The following LIMS4 variants were observed in gnomAD, a reference collection of about 807,000 sequenced individuals.
The protein encoded by LIMS4 is LIM and senescent cell antigen-like-containing domain protein 4.
At chr2:110,372,391 T>TA in the LIMS4 span, among the ~76,000 whole-genome samples, 15 of 133,534 alleles carry the variant, frequency 1.1e-4, no homozygotes, top group East Asian at 2.0e-4. Context: ...AATGGGTGGT[T>TA]AAAAAAAACC....
chr2:110,378,968 C>T, the LIMS4 span, among the ~76,000 whole-genome samples: 1 of 146,786 alleles, frequency 6.8e-6, no homozygotes, highest in Non-Finnish European at 1.5e-5. Flanking sequence ...AGTTGATGCT[C>T]TCTTTCTACA....
At chr2:110,372,373 AG>A in the LIMS4 span, among the ~76,000 whole-genome samples, 2 of 131,202 alleles carry the variant, frequency 1.5e-5, no homozygotes, top group Non-Finnish European at 3.0e-5. Context: ...TGAAATCTAT[AG>A]GTTCCTAATG....
At chr2:110,424,983 G>A in the LIMS4 span, among the ~76,000 whole-genome samples, 4 of 144,108 alleles carry the variant, frequency 2.8e-5, 1 homozygote, top group African/African-American at 1.1e-4. Flanking sequence ...ACCCCAGCCG[G>A]CAGCGACAAC....
chr2:110,395,932 C>T, the LIMS4 span, among the ~76,000 whole-genome samples: 1 of 141,144 alleles, frequency 7.1e-6, no homozygotes, highest in African/African-American at 2.9e-5. Context: ...AGGCACATAC[C>T]AGCGTCCTAA....
the LIMS4 span, chr2:110,397,305 A>G: frequency 1.4e-5 from 2 of 141,418 alleles, no homozygotes; most frequent in Non-Finnish European, 3.1e-5. Context: ...TGTCTATTAT[A>G]GTAGCTAATT....
At chr2:110,372,742 G>T in the LIMS4 span, among the ~76,000 whole-genome samples, 4 of 148,832 alleles carry the variant, frequency 2.7e-5, no homozygotes, top group Non-Finnish European at 5.9e-5. Context: ...CTGACCTCAA[G>T]TGAGCCACCT....
chr2:110,371,992 C>T, the LIMS4 span, among the ~76,000 whole-genome samples: 29 of 152,124 alleles, frequency 1.9e-4, no homozygotes, highest in South Asian at 3.5e-3. Flanking sequence ...CAAACTAGGG[C>T]CCAGCTTGCC....
At chr2:110,411,186 G>A in the LIMS4 span, among the ~76,000 whole-genome samples, 4 of 66,920 alleles carry the variant, frequency 6.0e-5, no homozygotes, top group African/African-American at 7.1e-5. Flanking sequence ...GATTACAGGC[G>A]TGACCCACAA....
chr2:110,362,080 G>A, the LIMS4 span: 39 of 1,139,440 alleles, frequency 3.4e-5, 1 homozygote, highest in Non-Finnish European at 4.9e-5. Flanking sequence ...AAGGAGATTT[G>A]TGCTGATGGA....
chr2:110,425,777 C>A, the LIMS4 span, among the ~76,000 whole-genome samples: 1 of 139,606 alleles, frequency 7.2e-6, no homozygotes, highest in Non-Finnish European at 1.5e-5. Context: ...TCCCCAGGGC[C>A]TTGCAGAAAG....
At chr2:110,367,113 A>G in the LIMS4 span, among the ~76,000 whole-genome samples, 2 of 151,204 alleles carry the variant, frequency 1.3e-5, no homozygotes, top group Non-Finnish European at 2.9e-5. Flanking sequence ...GCTCAAGGAT[A>G]GAAAGAATCA....
the LIMS4 span, among the ~76,000 whole-genome samples, chr2:110,373,554 C>T: frequency 1.4e-5 from 2 of 147,834 alleles, no homozygotes; most frequent in Non-Finnish European, 3.0e-5. Context: ...TGGTCAATCA[C>T]CAGTGCCCCA....
At chr2:110,366,308 C>G in the LIMS4 span, among the ~76,000 whole-genome samples, 2 of 152,164 alleles carry the variant, frequency 1.3e-5, no homozygotes, top group Non-Finnish European at 2.9e-5. Context: ...TACTAGCAAA[C>G]TGAATCTACC....
chr2:110,411,343 A>G, the LIMS4 span, among the ~76,000 whole-genome samples: 2 of 140,234 alleles, frequency 1.4e-5, 1 homozygote, highest in Non-Finnish European at 3.0e-5. Flanking sequence ...TTTTAGGTAG[A>G]AAATGCCTCG....
chr2:110,382,122 T>A, the LIMS4 span, among the ~76,000 whole-genome samples: 15 of 95,464 alleles, frequency 1.6e-4, no homozygotes, highest in African/African-American at 5.5e-4. Flanking sequence ...TATATATATA[T>A]ATATATATAT....
the LIMS4 span, among the ~76,000 whole-genome samples, chr2:110,370,969 C>T: frequency 7.5e-6 from 1 of 132,762 alleles, no homozygotes; most frequent in Admixed American, 7.6e-5. Context: ...CCTAATTAAG[C>T]TTGTGAAATT....
chr2:110,397,494 A>G, the LIMS4 span: 1 of 117,774 alleles, frequency 8.5e-6, no homozygotes, highest in African/African-American at 3.4e-5. Flanking sequence ...AAGTACAAAG[A>G]ATACCACCAG....
At chr2:110,368,836 A>G in the LIMS4 span, among the ~76,000 whole-genome samples, 1 of 141,790 alleles carries the variant, frequency 7.1e-6, no homozygotes, top group Non-Finnish European at 1.5e-5. Context: ...CTGATGCCTG[A>G]TTCCTAAATT....
the LIMS4 span, among the ~76,000 whole-genome samples, chr2:110,392,846 ACT>A: frequency 1.5e-5 from 2 of 129,932 alleles, no homozygotes; most frequent in African/African-American, 3.2e-5. Flanking sequence ...CCACTAAAAG[ACT>A]CTGACTCTTG....
Sources: gnomAD v4.1 joint callset for allele counts (sites outside exome capture counted in the v4.1 genomes callset) on GRCh38, gnomAD v4.1.1 for gene constraint, MANE v1.5 for transcripts, NCBI Gene and HGNC (gene_info 2026-07-23, HGNC 2026-07-21) for gene names.